ARHGEF38: variants seen among roughly 807,000 people sequenced by gnomAD.
ARHGEF38 encodes the protein Rho guanine nucleotide exchange factor (GEF) 38.
A neutral mutation model predicts 79.9 loss-of-function variants in ARHGEF38; 79 were observed. The observed-to-expected ratio is 0.99, with a 90% confidence interval of 0.82 to 1.19. The LOEUF is 1.19. ARHGEF38 is among the 50% of genes most tolerant of loss of function. The pLI is 0.00. For missense variants in ARHGEF38, 962 were observed against 907.2 expected, an observed-to-expected ratio of 1.06 and a Z score of -0.78; for synonymous variants, 366 against 328.3, an observed-to-expected ratio of 1.11 and a Z score of -1.24.
At chr4:105,650,196 T>TGTATTAATCG (rs1454409777) in intron 7 of ARHGEF38, among the ~76,000 whole-genome samples, 4 of 152,198 alleles carry the variant, frequency 2.6e-5, no homozygotes, top group Non-Finnish European at 4.4e-5. Flanking sequence ...TCATACATGG[T>TGTATTAATCG]GTATTAATCG....
At chr4:105,653,331 T>C (rs965027738) in intron 7 of ARHGEF38, among the ~76,000 whole-genome samples, 1 of 151,792 alleles carries the variant, frequency 6.6e-6, no homozygotes, top group East Asian at 1.9e-4. Flanking sequence ...TTTCTTTTTT[T>C]TTTTTTTTTG....
Position 105,589,266 on chromosome 4 carries a change from G to A in ARHGEF38, c.215G>A (p.Gly72Asp). 6.2e-7 allele frequency: 1 copy of A among 1,613,482 alleles called. No homozygotes were observed. Among genetic ancestry groups the A allele is most frequent in the South Asian group, 1.1e-5 (1 of 90,932 alleles). ...TTAACAGAAAAGATGACTCCACAGG[G>A]TGAGTGTTCTGTAGCTGAGACCTTA... ...QKLQEKMTPQ[G>D]ECSVAETLTP... The change falls in exon 2 of 14, where the codon GGT becomes GAT. Residue 72 changes from glycine to aspartate, a missense_variant. Coordinates refer to ENST00000420470, the MANE Select transcript of ARHGEF38 (RefSeq NM_001242729.2).
rs534866835 is a variant in ARHGEF38, at chr4:105,618,452, C to T, written c.508+4945C>T. 4.4e-3 allele frequency among the ~76,000 whole-genome samples: 668 copies of T among 152,076 alleles called. 9 individuals are homozygous for T. The highest frequency in any genetic ancestry group is 0.015 in the African/African-American group (626 of 41,458). On this transcript the variant is annotated intron_variant, in intron 3 of 13. Coordinates refer to ENST00000420470, the MANE Select transcript of ARHGEF38 (RefSeq NM_001242729.2). The stretch of plus-strand genomic sequence containing the variant: ...GCCTGACCAACATGGTGAAACCCTA[C>T]TCTACTAAAAATGCAAAAATTAGCC...
At chr4:105,561,400 T>TAGAAAATAGAATGGAATAGAATGGAATAG (rs59437354) in intron 1 of ARHGEF38, among the ~76,000 whole-genome samples, 1 of 30,160 alleles carries the variant, frequency 3.3e-5, no homozygotes, top group African/African-American at 1.2e-4. Flanking sequence ...TAGAGTAGAA[T>TAGAAAATAGAATGGAATAGAATGGAATAG]AATAGAATAG....
rs1731220653 is a variant in ARHGEF38, at chr4:105,679,128, T to C, written c.*1191T>C. 1.1e-5 allele frequency: 7 copies of C among 613,302 alleles called. No individual in the cohort carries two copies. The South Asian group carries it at 1.2e-4, about 11-fold the overall frequency. The allele number at this position is 613,302 out of a possible 1,614,324, so 38.0% of individuals were successfully genotyped here. A position where few individuals can be genotyped will look rare whatever the true frequency, so the allele number is the denominator to read the frequency against. ...TCGTCTTCTACCATCTTGCCGACTT[T>C]CCTGAGCAACTGCTTTGTCGACTCT... On this transcript the variant is annotated 3_prime_UTR_variant, in exon 14 of 14. Transcript: ENST00000420470.
chr4:105,675,279 A>T (rs900491686), intron 13 of ARHGEF38, among the ~76,000 whole-genome samples: 1 of 152,224 alleles, frequency 6.6e-6, no homozygotes, highest in Non-Finnish European at 1.5e-5. Flanking sequence ...TAGCTCTATA[A>T]TTAAAAATAT....
chr4:105,617,030 CAA>C (rs1423821180), intron 3 of ARHGEF38, among the ~76,000 whole-genome samples: 1 of 152,100 alleles, frequency 6.6e-6, no homozygotes, highest in African/African-American at 2.4e-5. Context: ...ACACCGTTAG[CAA>C]AAGAGTACTG....
At chr4:105,559,660 C>G (rs1239578884) in intron 1 of ARHGEF38, among the ~76,000 whole-genome samples, 1 of 151,930 alleles carries the variant, frequency 6.6e-6, no homozygotes, top group Non-Finnish European at 1.5e-5. Context: ...TAATAGTTTG[C>G]CAGCTTCATT....
intron 2 of ARHGEF38, among the ~76,000 whole-genome samples, chr4:105,607,841 A>G (rs1184080151): frequency 6.6e-6 from 1 of 152,124 alleles, no homozygotes; most frequent in Admixed American, 6.6e-5. Context: ...TGGATCCAAG[A>G]GTTAACAAGA....
rs909202989 is a variant in ARHGEF38, at chr4:105,667,562, G to A, written c.2007G>A (p.Val669=). 4.6e-6 allele frequency: 7 copies of A among 1,536,586 alleles called. No individual in the cohort carries two copies. In the Admixed American group the frequency reaches 1.2e-4, roughly 26 times the overall value. The part of the protein sequence containing the change: ...DDDFENISLF[V]SSRPASDSVT... ...ATTTTGAGAACATCAGCCTCTTCGT[G>A]TCTTCACGGCCAGCTAGTGACAGTG... The change falls in exon 13 of 14, where the codon GTG becomes GTA. Residue 669 remains valine, a synonymous_variant. Coordinates refer to ENST00000420470, the MANE Select transcript of ARHGEF38 (RefSeq NM_001242729.2).
At position 105,678,006 on chromosome 4, in the gene ARHGEF38, A is replaced by G; in HGVS notation, c.*69A>G. Reference sequence around the variant, plus strand: ...GACTACCTCATAAAACTGACATTACAAAACTTTGGACCAGAAAGCAAGAAA... The same window carrying G: ...GACTACCTCATAAAACTGACATTACGAAACTTTGGACCAGAAAGCAAGAAA... On this transcript the variant is annotated 3_prime_UTR_variant, in exon 14 of 14. Coordinates refer to ENST00000420470, the MANE Select transcript of ARHGEF38 (RefSeq NM_001242729.2). 7.3e-7 allele frequency: 1 copy of G among 1,363,880 alleles called. No individual in the cohort carries two copies. Among genetic ancestry groups the G allele is most frequent in the South Asian group, 1.6e-5 (1 of 62,462 alleles). 84.5% of individuals were successfully genotyped at this position (1,363,880 alleles called of 1,614,324 possible).
chr4:105,667,398 G>A lies in ARHGEF38; in HGVS notation c.1889-46G>A, dbSNP rs1353310023. 29 of 1,534,194 alleles carry A rather than the reference G, an allele frequency of 1.9e-5. No homozygotes were observed. In the South Asian group the frequency reaches 3.2e-4, roughly 17 times the overall value. ...TTCTGAGGGCACATGTTTGGGAAGA[G>A]TATACCCATGAACTTGGTTCTTCTT... is the stretch of plus-strand genomic sequence containing the variant. On this transcript the variant is annotated intron_variant, in intron 12 of 13. Transcript: ENST00000420470.
At chr4:105,586,505 T>C (rs1727055486) in intron 1 of ARHGEF38, among the ~76,000 whole-genome samples, 1 of 152,196 alleles carries the variant, frequency 6.6e-6, no homozygotes, top group South Asian at 2.1e-4. Flanking sequence ...TGACAAAATC[T>C]GATGTAGTAC....
intron 13 of ARHGEF38, among the ~76,000 whole-genome samples, chr4:105,675,966 G>A (rs1731103582): frequency 6.6e-6 from 1 of 152,146 alleles, no homozygotes. Flanking sequence ...AACTTTGAGG[G>A]GAAACAAACA....
intron 2 of ARHGEF38, among the ~76,000 whole-genome samples, chr4:105,606,008 A>G (rs4324547): frequency 0.056 from 8,559 of 152,132 alleles, 267 homozygotes; most frequent in Middle Eastern, 0.078. Context: ...TGGCTTCAGC[A>G]TTAATAATGG....
chr4:105,679,894 C>T lies in ARHGEF38; in HGVS notation c.*1957C>T. 1 of 1,433,660 alleles carries T rather than the reference C, an allele frequency of 7.0e-7. No homozygotes were observed. The allele number at this position is 1,433,660 out of a possible 1,614,324, so 88.8% of individuals were successfully genotyped here. On this transcript the variant is annotated 3_prime_UTR_variant, in exon 14 of 14. Transcript: ENST00000420470. ...CAGGAATGTCCAAACCACGAGGAGC[C>T]ACATTGGTTGCCACCAAAACTTTAT... is the stretch of plus-strand genomic sequence containing the variant.
intron 2 of ARHGEF38, among the ~76,000 whole-genome samples, chr4:105,608,637 C>T (rs1397720755): frequency 6.6e-6 from 1 of 151,806 alleles, no homozygotes; most frequent in Non-Finnish European, 1.5e-5. Context: ...ATCTTTTCTT[C>T]TAGCTATTTT....
At chr4:105,620,430 T>C (rs1034355807) in intron 3 of ARHGEF38, among the ~76,000 whole-genome samples, 4 of 152,180 alleles carry the variant, frequency 2.6e-5, no homozygotes, top group African/African-American at 9.7e-5. Context: ...CAAAATTATG[T>C]GTACAGAATG....
chr4:105,655,575 T>G, intron 8 of ARHGEF38, 28 bp from the exon 9 acceptor site: 1 of 1,532,712 alleles, frequency 6.5e-7, no homozygotes, highest in Non-Finnish European at 8.7e-7. Context: ...AAACTTGCCT[T>G]TTTTGTAACT....
Sources: allele counts gnomAD v4.1 joint callset (sites outside exome capture counted in the v4.1 genomes callset), GRCh38; gene constraint gnomAD v4.1.1; transcripts MANE v1.5; gene names NCBI Gene and HGNC (gene_info 2026-07-23, HGNC 2026-07-21).